PEAK1: variants seen among roughly 807,000 people sequenced by gnomAD.
PEAK1 encodes pseudopodium enriched atypical kinase 1.
Under a neutral mutation model 124.7 loss-of-function variants are expected in PEAK1, and 54 were observed. That is an observed-to-expected ratio of 0.43 (90% CI 0.35 to 0.54). The LOEUF is 0.54. Ranked by LOEUF, PEAK1 falls within the 20% of genes least tolerant of loss-of-function variation. The pLI is 0.01. For missense variants in PEAK1, 2,046 were observed against 2,134.5 expected, an observed-to-expected ratio of 0.96 and a Z score of 0.82; for synonymous variants, 719 against 760.0, an observed-to-expected ratio of 0.95 and a Z score of 0.89.
chr15:77,238,699 A>T (rs1217052517), intron 6 of PEAK1, among the ~76,000 whole-genome samples: 7 of 152,320 alleles, frequency 4.6e-5, no homozygotes, highest in Non-Finnish European at 8.8e-5. Flanking sequence ...CGGGTAGTTA[A>T]AATGGATAGT....
intron 1 of PEAK1, chr15:77,371,300 A>C: frequency 1.1e-6 from 1 of 925,882 alleles, no homozygotes; most frequent in Non-Finnish European, 1.3e-6. Flanking sequence ...TTGGAACATA[A>C]TATATATTTC....
rs749774987 is a variant in PEAK1, at chr15:77,114,491, G to A, written c.4906C>T (p.Arg1636Trp). 6.8e-6 allele frequency: 11 copies of A among 1,614,030 alleles called. No individual in the cohort carries two copies. The highest frequency in any genetic ancestry group is 1.7e-5 in the Admixed American group (1 of 60,026). Residue 1636 changes from arginine (R) to tryptophan (W), a missense_variant, in exon 10 of 10, where the codon CGG (arginine) becomes TGG (tryptophan). Transcript: ENST00000682557. ...CAGCTGGCCAGCTGCTGCAGACCCC[G>A]GGAGTAGGGGGAGCGGAATGGGATG... ...PRIPFRSPYS[R>W]GLQQLASCLL...
At chr15:77,366,510 AT>A (rs1425083245) in intron 1 of PEAK1, among the ~76,000 whole-genome samples, 1 of 151,952 alleles carries the variant, frequency 6.6e-6, no homozygotes, top group Non-Finnish European at 1.5e-5. Flanking sequence ...TATAACAGGC[AT>A]TTTTGTACAC....
At chr15:77,302,550 C>T (rs1180166039) in intron 2 of PEAK1, among the ~76,000 whole-genome samples, 1 of 152,126 alleles carries the variant, frequency 6.6e-6, no homozygotes. Flanking sequence ...CCCCATGGGA[C>T]AGAACTTTAT....
At chr15:77,381,149 A>T (rs747428777) in intron 1 of PEAK1, 267 of 881,308 alleles carry the variant, frequency 3.0e-4, no homozygotes, top group Non-Finnish European at 3.5e-4. Flanking sequence ...GTAACATGCT[A>T]AAAATCATGT....
At chr15:77,372,315 T>C (rs1442001123) in intron 1 of PEAK1, among the ~76,000 whole-genome samples, 1 of 152,224 alleles carries the variant, frequency 6.6e-6, no homozygotes, top group Non-Finnish European at 1.5e-5. Context: ...AGATAAAAGA[T>C]GACAGGCAAC....
chr15:77,179,242 C>A lies in PEAK1; in HGVS notation c.2685G>T (p.Lys895Asn), dbSNP rs1188415730. The A allele has an allele frequency of 6.2e-7, 1 of 1,613,994 alleles. No individual in the cohort carries two copies. The highest frequency in any genetic ancestry group is 1.3e-5 in the African/African-American group (1 of 74,898). Residue 895 changes from lysine (K) to asparagine (N), a missense_variant, in exon 7 of 10, where the codon AAG becomes AAT. Transcript: ENST00000682557. ...LLQRHFTNWT[K>N]PTSPTRSTEA... ...CTGTTGACCTGGTAGGGCTGGTTGG[C>A]TTGGTCCAGTTGGTGAAATGCCTCT...
At chr15:77,126,049 G>A (rs1197945343) in intron 9 of PEAK1, among the ~76,000 whole-genome samples, 1 of 152,170 alleles carries the variant, frequency 6.6e-6, no homozygotes, top group African/African-American at 2.4e-5. Context: ...TAAGCTTAGT[G>A]TTTAATGATC....
chr15:77,312,052 T>C (rs1045043454), intron 2 of PEAK1, among the ~76,000 whole-genome samples: 1 of 152,056 alleles, frequency 6.6e-6, no homozygotes, highest in African/African-American at 2.4e-5. Flanking sequence ...TCATAATTAG[T>C]GCAGGAGTAA....
At chr15:77,374,747 A>T (rs1653076031) in intron 1 of PEAK1, among the ~76,000 whole-genome samples, 1 of 152,156 alleles carries the variant, frequency 6.6e-6, no homozygotes, top group African/African-American at 2.4e-5. Flanking sequence ...GTTAAAAATA[A>T]AGATGGAAGG....
chr15:77,400,595 G>C (rs1597610281), intron 1 of PEAK1, among the ~76,000 whole-genome samples: 1 of 151,934 alleles, frequency 6.6e-6, no homozygotes, highest in South Asian at 2.1e-4. Flanking sequence ...CTTATTTGTG[G>C]GATCTAAAAA....
rs144820676 is a variant in PEAK1, at chr15:77,158,937, A to T, written c.3138-241T>A. Reference sequence around the variant, plus strand: ...GCCTGCAAGGGAACTTGAGAATAACAGTCAAAGAGTGAAACATTTTATTTA... The same window carrying T: ...GCCTGCAAGGGAACTTGAGAATAACTGTCAAAGAGTGAAACATTTTATTTA... On this transcript the variant is annotated intron_variant, in intron 7 of 9. Transcript: ENST00000682557. Among the ~76,000 whole-genome samples the T allele has an allele frequency of 4.3e-3, 660 of 152,328 alleles. 6 individuals carry two copies. Among genetic ancestry groups the T allele is most frequent in the African/African-American group, 0.015 (625 of 41,570 alleles).
At position 77,178,905 on chromosome 15, in the gene PEAK1, T is replaced by C. The variant is rs771920653; in HGVS notation, c.3022A>G (p.Arg1008Gly). 24 of 1,614,014 alleles carry C rather than the reference T, an allele frequency of 1.5e-5. No individual in the cohort carries two copies. The highest frequency in any genetic ancestry group is 2.2e-5 in the East Asian group (1 of 44,880). Residue 1008 changes from arginine to glycine, a missense_variant, in exon 7 of 10, where the codon AGG (arginine) becomes GGG (glycine). Arg to Gly is a moderately radical substitution (Grantham distance 125). Coordinates refer to ENST00000682557, the MANE Select transcript of PEAK1 (RefSeq NM_001385026.1). ...GQLSVDQSKA[R>G]TDQAAVMEKG... ...TCCATGACTGCTGCCTGGTCTGTCCTAGCCTTGCTCTGATCCACACTGAGC... is the reference window on the plus strand; with the variant it reads ...TCCATGACTGCTGCCTGGTCTGTCCCAGCCTTGCTCTGATCCACACTGAGC...
At chr15:77,277,265 AAATG>A (rs2062380417) in intron 5 of PEAK1, among the ~76,000 whole-genome samples, 3 of 152,206 alleles carry the variant, frequency 2.0e-5, no homozygotes, top group Admixed American at 6.5e-5. Context: ...AACATTCTCA[AAATG>A]ACAAAATTAT....
intron 1 of PEAK1, chr15:77,417,575 T>C: frequency 2.0e-6 from 2 of 985,354 alleles, no homozygotes; most frequent in South Asian, 4.7e-5. Context: ...GCAACACTGA[T>C]ATGGAGCCTT....
chr15:77,294,823 T>C (rs2063401260), intron 2 of PEAK1, among the ~76,000 whole-genome samples: 1 of 83,636 alleles, frequency 1.2e-5, no homozygotes, highest in South Asian at 3.0e-4. Context: ...TATAGGAAAC[T>C]AAACTAACTG....
chr15:77,103,965 C>G (rs1229131943), downstream of PEAK1: 1 of 152,554 alleles, frequency 6.6e-6, no homozygotes, highest in Non-Finnish European at 1.5e-5. Context: ...CTCACTCACA[C>G]TCTCTGCCCA....
chr15:77,177,912 A>T (rs1047651511), intron 7 of PEAK1: 1 of 152,238 alleles, frequency 6.6e-6, no homozygotes, highest in African/African-American at 2.4e-5. Flanking sequence ...CAAAATTATA[A>T]GGAGGATACA....
At chr15:77,266,857 C>T (rs2061762677) in intron 5 of PEAK1, among the ~76,000 whole-genome samples, 1 of 152,064 alleles carries the variant, frequency 6.6e-6, no homozygotes, top group Admixed American at 6.6e-5. Flanking sequence ...TGGATTGCTG[C>T]TGTAGGCTCT....
Sources: gnomAD v4.1 joint callset for allele counts (sites outside exome capture counted in the v4.1 genomes callset) on GRCh38, gnomAD v4.1.1 for gene constraint, MANE v1.5 for transcripts, NCBI Gene and HGNC (gene_info 2026-07-23, HGNC 2026-07-21) for gene names.